AK9: variants seen among roughly 807,000 people sequenced by gnomAD.
The protein encoded by AK9 is adenylate kinase 9, also known as adenylate kinase domain containing 1.
In AK9, 191 loss-of-function variants were observed where a neutral mutation model predicts 239.6. The observed-to-expected ratio is 0.80, with a 90% CI of 0.71 to 0.90. The LOEUF is 0.90. Ranked by LOEUF, AK9 falls within the 40% of genes least tolerant of loss-of-function variation. The probability of loss-of-function intolerance (pLI) is 0.00; values close to 1 mark genes in which losing one functional copy is unlikely to be tolerated. For synonymous variants in AK9, 689 were observed against 721.0 expected (o/e 0.96, Z 0.71); for missense variants, 1,995 against 2,214.7 (o/e 0.90, Z 1.99).
rs967237891 is a variant in AK9, at chr6:109,664,222, T to C, written c.332-1559A>G. On this transcript the variant is annotated intron_variant, in intron 5 of 40. Transcript: ENST00000424296. ...TAGCCCATGTAAGCATAACTACTTA[T>C]GGAGCCTCAACAATTCTTATTAGTG... Among the ~76,000 whole-genome samples, 4 of 152,202 alleles carry C rather than the reference T, an allele frequency of 2.6e-5. No homozygotes were observed. The East Asian group carries it at 5.8e-4, about 22-fold the overall frequency.
At chr6:109,569,429 T>C (rs1050138491) in intron 21 of AK9, among the ~76,000 whole-genome samples, 5 of 151,768 alleles carry the variant, frequency 3.3e-5, no homozygotes. Flanking sequence ...ACTTGACAAA[T>C]GGATCTAATT....
chr6:109,634,967 G>A (rs1796534230), intron 10 of AK9, among the ~76,000 whole-genome samples: 1 of 152,200 alleles, frequency 6.6e-6, no homozygotes, highest in African/African-American at 2.4e-5. Flanking sequence ...AGGTGCCGAA[G>A]GGAGAAGAGA....
chr6:109,589,214 G>T (rs1789904708), intron 17 of AK9, among the ~76,000 whole-genome samples: 1 of 152,008 alleles, frequency 6.6e-6, no homozygotes, highest in Non-Finnish European at 1.5e-5. Context: ...CATGAACATG[G>T]TATGTTTTCC....
Position 109,564,805 on chromosome 6 carries a change from G to A in AK9, c.2385C>T (p.Ile795=). ...CCAGGCCCTCTTTGGATCCTTTTGG[G>A]ATTTCTGTTTCCACTGTAGTTTCCT... The part of the protein sequence containing the change: ...PIEETTVETE[I]PKGSKEGLEI... Residue 795 remains isoleucine (I), a synonymous_variant, in exon 22 of 41, where the codon ATC becomes ATT. Coordinates refer to ENST00000424296, the MANE Select transcript of AK9 (RefSeq NM_001145128.3). The A allele has an allele frequency of 6.5e-7, 1 of 1,545,686 alleles. No individual in the cohort carries two copies. Among genetic ancestry groups the A allele is most frequent in the Non-Finnish European group, 8.7e-7 (1 of 1,144,176 alleles).
intron 6 of AK9, among the ~76,000 whole-genome samples, chr6:109,661,111 C>T (rs1480508403): frequency 1.3e-5 from 2 of 152,126 alleles, no homozygotes; most frequent in African/African-American, 4.8e-5. Flanking sequence ...CCAATAAGGA[C>T]AAACTATCCA....
At chr6:109,653,342 C>T (rs371511506) in intron 8 of AK9, among the ~76,000 whole-genome samples, 20 of 152,212 alleles carry the variant, frequency 1.3e-4, no homozygotes, top group Admixed American at 2.0e-4. Flanking sequence ...CTTGCCACCA[C>T]TGGCTATCTT....
intron 27 of AK9, among the ~76,000 whole-genome samples, chr6:109,540,272 C>T (rs905410086): frequency 6.6e-6 from 1 of 152,188 alleles, no homozygotes; most frequent in Non-Finnish European, 1.5e-5. Flanking sequence ...TTCCTGGCCG[C>T]TTTGTTTACC....
chr6:109,581,329 A>G (rs1788832600), intron 19 of AK9, among the ~76,000 whole-genome samples: 1 of 152,214 alleles, frequency 6.6e-6, no homozygotes, highest in South Asian at 2.1e-4. Context: ...AGGCTGAGAT[A>G]GTCCAAAAGC....
At chr6:109,662,733 T>C (rs1800599606) in intron 5 of AK9, 70 bp from the exon 6 acceptor site, 2 of 673,324 alleles carry the variant, frequency 3.0e-6, no homozygotes, top group Admixed American at 4.5e-5. Flanking sequence ...ATTTATTATA[T>C]TATATATATA....
At chr6:109,646,112 T>C (rs1383232900) in intron 8 of AK9, among the ~76,000 whole-genome samples, 1 of 152,030 alleles carries the variant, frequency 6.6e-6, no homozygotes, top group Non-Finnish European at 1.5e-5. Flanking sequence ...AGACCAAAGG[T>C]AGATAAAATC....
chr6:109,631,523 G>A (rs1460938111), intron 12 of AK9, among the ~76,000 whole-genome samples: 4 of 152,108 alleles, frequency 2.6e-5, no homozygotes, highest in Non-Finnish European at 5.9e-5. Context: ...TAGAAAGACC[G>A]ACCATAGTAA....
chr6:109,665,493 C>G (rs1801059372), intron 5 of AK9, among the ~76,000 whole-genome samples: 1 of 152,188 alleles, frequency 6.6e-6, no homozygotes, highest in Non-Finnish European at 1.5e-5. Context: ...GCTTTTCTGG[C>G]TCCACACCAC....
At chr6:109,590,462 CTTGA>C (rs141264341) in intron 17 of AK9, among the ~76,000 whole-genome samples, 4,384 of 152,132 alleles carry the variant, frequency 0.029, 100 homozygotes, top group East Asian at 0.11. Flanking sequence ...CTCTTTTTCA[CTTGA>C]TTATCTAGCT....
intron 1 of AK9, among the ~76,000 whole-genome samples, chr6:109,689,738 G>C (rs1433238440): frequency 6.6e-6 from 1 of 152,122 alleles, no homozygotes; most frequent in African/African-American, 2.4e-5. Context: ...TCTGATTCCG[G>C]GTGAAATAAA....
In AK9 at chr6:109,542,035, A is replaced by T. The variant is rs9386812; in HGVS notation, c.3350+12T>A. 3 of 1,549,402 alleles carry T rather than the reference A, an allele frequency of 1.9e-6. No homozygotes were observed. The highest frequency in any genetic ancestry group is 1.7e-4 in the Middle Eastern group (1 of 5,820). Reference sequence around the variant, plus strand: ...AGCAAATAAATGTACAATTCTATATAAATTAAGATACCGTATTGGTTCCTT... The same window carrying T: ...AGCAAATAAATGTACAATTCTATATTAATTAAGATACCGTATTGGTTCCTT... On this transcript the variant is annotated intron_variant, in intron 27 of 40. Coordinates refer to ENST00000424296, the MANE Select transcript of AK9 (RefSeq NM_001145128.3).
At chr6:109,535,896 T>G (rs529301556) in intron 27 of AK9, among the ~76,000 whole-genome samples, 17 of 152,244 alleles carry the variant, frequency 1.1e-4, no homozygotes, top group Admixed American at 4.6e-4. Flanking sequence ...TGTCAGGTTT[T>G]TCAAAGATCA....
intron 29 of AK9, among the ~76,000 whole-genome samples, chr6:109,526,575 A>AT (rs1053719782): frequency 2.0e-5 from 3 of 152,040 alleles, no homozygotes; most frequent in Admixed American, 1.3e-4. Flanking sequence ...AGAGCGATGG[A>AT]TTTTTTTATG....
rs1387141621 is a variant in AK9 at position 109,515,742 on chromosome 6, T to C, written c.4065+115A>G. 1.1e-5 allele frequency: 10 copies of C among 897,630 alleles called. No individual in the cohort carries two copies. The East Asian group carries it at 2.1e-4, about 19-fold the overall frequency. 55.6% of individuals were successfully genotyped at this position (897,630 alleles called of 1,614,324 possible). On this transcript the variant is annotated intron_variant, in intron 31 of 40. Coordinates refer to ENST00000424296, the MANE Select transcript of AK9 (RefSeq NM_001145128.3). ...AAGTATTTTTATAGCTAGATGAGAC[T>C]ACTACACAATACTTACAATTTTTGA...
chr6:109,585,802 G>T lies in AK9; in HGVS notation c.1999+114C>A, dbSNP rs551883713. 613 of 978,808 alleles carry T rather than the reference G, an allele frequency of 6.3e-4. 1 individual carries two copies. Among genetic ancestry groups the T allele is most frequent in the Non-Finnish European group, 8.2e-4 (558 of 683,994 alleles). The allele number at this position is 978,808 out of a possible 1,614,324, so 60.6% of individuals were successfully genotyped here. ...TGTACCTCTAGTTCCTGCAGGGATT[G>T]CTGGGGTGGGTATTTCTATCTAGGA... On this transcript the variant is annotated intron_variant, in intron 18 of 40. Coordinates refer to ENST00000424296, the MANE Select transcript of AK9 (RefSeq NM_001145128.3).
Sources: gnomAD v4.1 joint callset for allele counts (sites outside exome capture counted in the v4.1 genomes callset) on GRCh38, gnomAD v4.1.1 for gene constraint, MANE v1.5 for transcripts, NCBI Gene and HGNC (gene_info 2026-07-23, HGNC 2026-07-21) for gene names.